Variants in AGO2 observed in about 807,000 individuals in gnomAD.
The protein encoded by AGO2 is argonaute RISC catalytic component 2.
A neutral mutation model predicts 102.3 loss-of-function variants in AGO2; 5 were observed. That is an observed-to-expected ratio of 0.05 (90% CI 0.03 to 0.10). The LOEUF is 0.10. Ranked by LOEUF, AGO2 falls within the 10% of genes least tolerant of loss-of-function variation. The pLI is 1.00. For missense variants in AGO2, 541 were observed against 1,183.7 expected (o/e 0.46, Z 7.97); for synonymous variants, 449 against 473.1 (o/e 0.95, Z 0.66).
chr8:140,616,679 G>T (rs2074146308), intron 1 of AGO2, among the ~76,000 whole-genome samples: 1 of 152,224 alleles, frequency 6.6e-6, no homozygotes, highest in South Asian at 2.1e-4. Context: ...GCAGCAGTGG[G>T]CAGGGCCTGG....
intron 13 of AGO2, among the ~76,000 whole-genome samples, chr8:140,545,762 A>G (rs1321847755): frequency 2.0e-5 from 3 of 152,040 alleles, no homozygotes; most frequent in Non-Finnish European, 4.4e-5. Context: ...AAACATCTCA[A>G]AGTCTAGATG....
intron 1 of AGO2, among the ~76,000 whole-genome samples, chr8:140,629,659 G>A (rs905096672): frequency 1.2e-4 from 18 of 151,700 alleles, no homozygotes; most frequent in African/African-American, 4.4e-4. Context: ...GGGCAACACA[G>A]GGAAACCCCG....
At chr8:140,630,284 T>C (rs2074325981) in intron 1 of AGO2, among the ~76,000 whole-genome samples, 2 of 152,208 alleles carry the variant, frequency 1.3e-5, no homozygotes, top group East Asian at 1.9e-4. Context: ...AGTTCTTGTG[T>C]CTGCCTTTCG....
chr8:140,626,028 T>C (rs1430648125), intron 1 of AGO2, among the ~76,000 whole-genome samples: 1 of 152,142 alleles, frequency 6.6e-6, no homozygotes. Flanking sequence ...CCTGCCCCAG[T>C]CACCAATAGG....
chr8:140,537,657 G>A (rs2072721285), intron 16 of AGO2, among the ~76,000 whole-genome samples: 1 of 151,964 alleles, frequency 6.6e-6, no homozygotes, highest in South Asian at 2.1e-4. Flanking sequence ...AATAAGAGCT[G>A]TGTAAAAATA....
intron 13 of AGO2, among the ~76,000 whole-genome samples, chr8:140,547,227 C>A (rs569639450): frequency 2.0e-5 from 3 of 152,360 alleles, no homozygotes; most frequent in South Asian, 4.1e-4. Flanking sequence ...GGATTCGAGG[C>A]ACAAATTTCT....
rs2072770302 is a variant in AGO2, at chr8:140,540,109, A to C, written c.2035-655T>G. Among the ~76,000 whole-genome samples the C allele has an allele frequency of 6.6e-6, 1 of 152,146 alleles. No individual in the cohort carries two copies. The highest frequency in any genetic ancestry group is 6.5e-5 in the Admixed American group (1 of 15,274). ...CTCAAAAAAAACAAACAAAAAAACA[A>C]AACAAAAAACACACAAAAAACAAAG... On this transcript the variant is annotated intron_variant, in intron 15 of 18. Transcript: ENST00000220592. The surrounding 1 kb of genome is among the most constrained non-coding windows in gnomAD (Gnocchi z 5.0).
At chr8:140,543,692 T>C (rs1015202715) in intron 14 of AGO2, among the ~76,000 whole-genome samples, 1 of 152,246 alleles carries the variant, frequency 6.6e-6, no homozygotes, top group Non-Finnish European at 1.5e-5. Context: ...ATCTACTATG[T>C]GCCAGGCACC....
chr8:140,548,582 C>A (rs924172739), intron 12 of AGO2, among the ~76,000 whole-genome samples: 3 of 152,174 alleles, frequency 2.0e-5, no homozygotes, highest in African/African-American at 4.8e-5. Flanking sequence ...TCAACACCAA[C>A]AGCTTTTTCT....
rs2072427856 is a variant in AGO2 at position 140,522,332 on chromosome 8, T to TA, written c.*9711dup. ...GTTTAACTGAGGTAGATCCACATTGTAAAGAAAGCTGGGTCCCCTCCATTT... is the reference window on the plus strand; with the variant it reads ...GTTTAACTGAGGTAGATCCACATTGTAAAAGAAAGCTGGGTCCCCTCCATTT... On this transcript the variant is annotated 3_prime_UTR_variant, in exon 19 of 19. Coordinates refer to ENST00000220592, the MANE Select transcript of AGO2 (RefSeq NM_012154.5). 1 of 152,146 alleles carries TA rather than the reference T, an allele frequency of 6.6e-6. No homozygotes were observed. Among genetic ancestry groups the TA allele is most frequent in the Non-Finnish European group, 1.5e-5 (1 of 68,030 alleles). 9.4% of individuals were successfully genotyped at this position (152,146 alleles called of 1,614,324 possible).
chr8:140,562,423 C>T (rs775696950), intron 4 of AGO2, 30 bp downstream of exon 4: 30 of 1,592,502 alleles, frequency 1.9e-5, no homozygotes, highest in Non-Finnish European at 2.4e-5. Context: ...AGGGGAGTCC[C>T]CCGCCCTTGG....
intron 13 of AGO2, among the ~76,000 whole-genome samples, chr8:140,546,599 C>T (rs1396240652): frequency 6.6e-6 from 1 of 152,256 alleles, no homozygotes; most frequent in Non-Finnish European, 1.5e-5. Context: ...ATTTAGCGCA[C>T]TGCCTGGCTT....
Position 140,562,190 on chromosome 8 carries a change from C to G in AGO2, c.518+263G>C, listed in dbSNP as rs1026027797. Among the ~76,000 whole-genome samples the G allele has an allele frequency of 7.9e-5, 12 of 152,352 alleles. No homozygotes were observed. The East Asian group carries it at 2.3e-3, about 29-fold the overall frequency. ...GAAAAGTGCTGGGTGCAGAGGGCTG[C>G]GCGGAACACGAAGGCACCAGCGTGC... On this transcript the variant is annotated intron_variant, in intron 4 of 18. Coordinates refer to ENST00000220592, the MANE Select transcript of AGO2 (RefSeq NM_012154.5).
At chr8:140,552,719 C>T (rs149612765) in intron 10 of AGO2, among the ~76,000 whole-genome samples, 1 of 149,856 alleles carries the variant, frequency 6.7e-6, no homozygotes, top group East Asian at 2.0e-4. Flanking sequence ...CATGAACACA[C>T]GCACATGCAC....
At chr8:140,536,713 A>G (rs929308333) in intron 16 of AGO2, among the ~76,000 whole-genome samples, 5 of 152,110 alleles carry the variant, frequency 3.3e-5, no homozygotes, top group Admixed American at 6.5e-5. Context: ...CCATTCTAGG[A>G]TGGAGAAGTG....
chr8:140,588,467 T>TA (rs2073692797), intron 1 of AGO2, among the ~76,000 whole-genome samples: 1 of 151,970 alleles, frequency 6.6e-6, no homozygotes. Context: ...CTTTATTGCT[T>TA]AAAAAATGCT....
chr8:140,550,545 C>T (rs1243810948), intron 11 of AGO2, among the ~76,000 whole-genome samples: 2 of 152,204 alleles, frequency 1.3e-5, no homozygotes, highest in African/African-American at 4.8e-5. Flanking sequence ...CACTTCTCTC[C>T]TCTTAATCAC....
chr8:140,632,943 TCA>T (rs2074359770), intron 1 of AGO2, among the ~76,000 whole-genome samples: 1 of 151,426 alleles, frequency 6.6e-6, no homozygotes, highest in Non-Finnish European at 1.5e-5. Context: ...TCTCCAAGTC[TCA>T]CTCTGTCCCC....
At position 140,557,199 on chromosome 8, in the gene AGO2, A is replaced by G; in HGVS notation, c.916T>C (p.Cys306Arg). 1 of 1,613,794 alleles carries G rather than the reference A, an allele frequency of 6.2e-7. No homozygotes were observed. The highest frequency in any genetic ancestry group is 8.5e-7 in the Non-Finnish European group (1 of 1,179,898). The stretch of plus-strand genomic sequence containing the variant: ...TCCTTGAAATACTGGGCCACCGTGC[A>G]CTCCACCGTCTGCCCGCTCTCCTGC... ...LQQESGQTVECTVAQYFKDRH... is the reference protein window; with the variant it reads ...LQQESGQTVERTVAQYFKDRH... Residue 306 changes from cysteine to arginine, a missense_variant, in exon 8 of 19, where the codon TGC (cysteine) becomes CGC (arginine). By Grantham distance (180) the Cys-to-Arg change is radical (BLOSUM62 -3). Transcript: ENST00000220592. The surrounding 1 kb of genome is among the most constrained non-coding windows in gnomAD (Gnocchi z 5.9).
Sources: allele counts gnomAD v4.1 joint callset (sites outside exome capture counted in the v4.1 genomes callset), GRCh38; gene constraint gnomAD v4.1.1; non-coding constraint Gnocchi (gnomAD v3.1); transcripts MANE v1.5; gene names NCBI Gene and HGNC (gene_info 2026-07-23, HGNC 2026-07-21).